Variants in LHFPL7 observed in about 807,000 individuals in gnomAD.
LHFPL7 encodes LHFPL tetraspan subfamily member 7 protein.
chr22:24,944,966 C>T, the LHFPL7 span, among the ~76,000 whole-genome samples: 78 of 151,890 alleles, frequency 5.1e-4, no homozygotes, highest in Middle Eastern at 0.01. Flanking sequence ...CGCACCACCA[C>T]GCCCAGCTAA....
chr22:24,938,613 C>T, the LHFPL7 span, among the ~76,000 whole-genome samples: 1 of 152,170 alleles, frequency 6.6e-6, no homozygotes, highest in Non-Finnish European at 1.5e-5. Context: ...ATTGACTGAC[C>T]AGCATATAGT....
the LHFPL7 span, among the ~76,000 whole-genome samples, chr22:24,936,381 T>C: frequency 6.6e-6 from 1 of 152,192 alleles, no homozygotes; most frequent in East Asian, 1.9e-4. Context: ...CATCCATCCA[T>C]CTATCCATTC....
chr22:24,937,385 G>C, the LHFPL7 span, among the ~76,000 whole-genome samples: 1 of 152,218 alleles, frequency 6.6e-6, no homozygotes, highest in Non-Finnish European at 1.5e-5. Context: ...GAGCCTGGCA[G>C]AGGAAGGAAG....
chr22:24,938,357 G>T, the LHFPL7 span: 87 of 1,610,918 alleles, frequency 5.4e-5, no homozygotes, highest in African/African-American at 1.1e-3. Flanking sequence ...GAGCATCACA[G>T]CTGAGACCTG....
the LHFPL7 span, among the ~76,000 whole-genome samples, chr22:24,938,623 T>G: frequency 6.6e-6 from 1 of 152,236 alleles, no homozygotes; most frequent in Non-Finnish European, 1.5e-5. Flanking sequence ...CAGCATATAG[T>G]ACCTTTATTA....
the LHFPL7 span, among the ~76,000 whole-genome samples, chr22:24,936,718 T>C: frequency 1.3e-5 from 2 of 152,268 alleles, no homozygotes; most frequent in South Asian, 2.1e-4. Flanking sequence ...GAAATGCCCT[T>C]GTACTCTTGG....
chr22:24,935,652 T>TC, the LHFPL7 span: 1 of 1,564,100 alleles, frequency 6.4e-7, no homozygotes, highest in Non-Finnish European at 8.7e-7. Context: ...TCACTAACTT[T>TC]CCATCCCACG....
chr22:24,939,912 A>T, the LHFPL7 span, among the ~76,000 whole-genome samples: 1 of 134,816 alleles, frequency 7.4e-6, no homozygotes. Flanking sequence ...TCGTTCGTTC[A>T]TTCATTTATC....
At chr22:24,946,178 C>T in the LHFPL7 span, among the ~76,000 whole-genome samples, 357 of 152,144 alleles carry the variant, frequency 2.3e-3, no homozygotes, top group South Asian at 5.2e-3. Context: ...GGCATGGTGG[C>T]GGGTGCCTGT....
the LHFPL7 span, chr22:24,935,491 G>A: frequency 4.3e-6 from 7 of 1,613,838 alleles, no homozygotes; most frequent in Admixed American, 1.7e-5. Context: ...CAACCCAGCC[G>A]GCACTTCCCA....
chr22:24,945,847 T>C, the LHFPL7 span, among the ~76,000 whole-genome samples: 2 of 152,228 alleles, frequency 1.3e-5, no homozygotes, highest in African/African-American at 4.8e-5. Context: ...CTCCCGGCTA[T>C]GCAGCCAGGT....
At chr22:24,946,617 C>CTTTGGA in the LHFPL7 span, 1 of 152,540 alleles carries the variant, frequency 6.6e-6, no homozygotes, top group South Asian at 2.1e-4. Context: ...TCTGCTCAGG[C>CTTTGGA]TCCGGCTTTG....
At chr22:24,940,315 C>T in the LHFPL7 span, among the ~76,000 whole-genome samples, 3 of 144,750 alleles carry the variant, frequency 2.1e-5, no homozygotes, top group African/African-American at 7.6e-5. Context: ...CACACATAGC[C>T]GGGCGCGGTG....
the LHFPL7 span, among the ~76,000 whole-genome samples, chr22:24,943,088 G>GTT: frequency 6.6e-6 from 1 of 151,866 alleles, no homozygotes; most frequent in African/African-American, 2.4e-5. Flanking sequence ...TTTTTATGGG[G>GTT]TTTTTTTGGT....
the LHFPL7 span, among the ~76,000 whole-genome samples, chr22:24,937,586 G>A: frequency 5.2e-3 from 785 of 152,338 alleles, 3 homozygotes; most frequent in Non-Finnish European, 8.7e-3. Context: ...CACTAAGGGG[G>A]AGCAGTGACA....
the LHFPL7 span, among the ~76,000 whole-genome samples, chr22:24,936,918 C>G: frequency 9.2e-5 from 14 of 152,228 alleles, no homozygotes; most frequent in East Asian, 1.4e-3. Flanking sequence ...CCCCGCCCCC[C>G]CCGCCGCCCA....
At chr22:24,941,126 G>A in the LHFPL7 span, among the ~76,000 whole-genome samples, 4 of 150,748 alleles carry the variant, frequency 2.7e-5, no homozygotes, top group Middle Eastern at 3.4e-3. Context: ...CAAAATTGGT[G>A]TGGTGCTGTA....
chr22:24,940,618 T>C, the LHFPL7 span, among the ~76,000 whole-genome samples: 8 of 81,090 alleles, frequency 9.9e-5, no homozygotes, highest in Non-Finnish European at 2.3e-4. Flanking sequence ...ATAATAATAA[T>C]TCACACACAT....
the LHFPL7 span, among the ~76,000 whole-genome samples, chr22:24,940,569 C>T: frequency 6.6e-6 from 1 of 150,858 alleles, no homozygotes; most frequent in Non-Finnish European, 1.5e-5. Flanking sequence ...GCACTCCAGC[C>T]TGGGCGACAG....
Sources: gnomAD v4.1 joint callset for allele counts (sites outside exome capture counted in the v4.1 genomes callset) on GRCh38, gnomAD v4.1.1 for gene constraint, MANE v1.5 for transcripts, NCBI Gene and HGNC (gene_info 2026-07-23, HGNC 2026-07-21) for gene names.